The following ANKS1A variants were observed in gnomAD, a reference collection of about 807,000 sequenced individuals.
ANKS1A encodes the protein ankyrin repeat and sterile alpha motif domain containing 1A, also known as ankyrin repeat and SAM domain-containing protein 1A.
Under a neutral mutation model 120.3 loss-of-function variants are expected in ANKS1A, and 55 were observed. The ratio of observed to expected loss-of-function variants is 0.46; its 90% CI spans 0.37 to 0.57. The LOEUF is 0.57. ANKS1A is among the 20% of genes least tolerant of loss of function. The pLI is 0.00. For missense variants in ANKS1A, 1,123 were observed against 1,480.3 expected (o/e 0.76, Z 3.96); for synonymous variants, 590 against 604.7 (o/e 0.98, Z 0.36).
chr6:34,936,017 C>G (rs969853570), intron 1 of ANKS1A, among the ~76,000 whole-genome samples: 4 of 146,118 alleles, frequency 2.7e-5, no homozygotes, highest in Non-Finnish European at 3.0e-5. Flanking sequence ...AGCCGAGATC[C>G]CGCCACTGCA....
intron 11 of ANKS1A, among the ~76,000 whole-genome samples, chr6:35,048,736 G>T (rs904921774): frequency 1.3e-5 from 2 of 152,204 alleles, no homozygotes; most frequent in African/African-American, 2.4e-5. Flanking sequence ...CTGGGCCTGA[G>T]AGTGCAGCTG....
Position 35,085,684 on chromosome 6 carries a change from C to T in ANKS1A, c.3133-82C>T, listed in dbSNP as rs1430087542. The stretch of plus-strand genomic sequence containing the variant: ...TCCCGGGTAGACTTAGAGGGGGACA[C>T]ATGGTCCCTGCGAGGAAGGGCATAT... On this transcript the variant is annotated intron_variant, in intron 21 of 23. Coordinates refer to ENST00000360359, the MANE Select transcript of ANKS1A (RefSeq NM_015245.3). This position sits in a 1 kb window ranked among gnomAD's most constrained non-coding sequence, Gnocchi z 4.7. 11 of 1,425,352 alleles carry T rather than the reference C, an allele frequency of 7.7e-6. No individual in the cohort carries two copies. The African/African-American group carries it at 1.4e-4, about 19-fold the overall frequency. 88.3% of individuals were successfully genotyped at this position (1,425,352 alleles called of 1,614,324 possible). A position where few individuals can be genotyped will look rare whatever the true frequency, so the allele number is the denominator to read the frequency against.
intron 1 of ANKS1A, among the ~76,000 whole-genome samples, chr6:34,903,574 A>C (rs79629883): frequency 2.0e-5 from 3 of 151,444 alleles, no homozygotes; most frequent in Admixed American, 2.0e-4. Context: ...CTTGGCTCAC[A>C]GGGGCCTCCA....
chr6:35,012,551 A>T (rs1215273342), intron 10 of ANKS1A, among the ~76,000 whole-genome samples: 2 of 152,222 alleles, frequency 1.3e-5, no homozygotes, highest in Admixed American at 1.3e-4. Flanking sequence ...GCCTGAGGGG[A>T]GATTTGAATT....
intron 11 of ANKS1A, among the ~76,000 whole-genome samples, chr6:35,049,902 G>GCC (rs1459991893): frequency 6.6e-6 from 1 of 152,156 alleles, no homozygotes; most frequent in African/African-American, 2.4e-5. Flanking sequence ...GTCCGCCTGT[G>GCC]CCCAACACAC....
At position 34,955,370 on chromosome 6, in the gene ANKS1A, C is replaced by T. The variant is rs769293479; in HGVS notation, c.198-11869C>T. On this transcript the variant is annotated intron_variant, in intron 1 of 23. Transcript: ENST00000360359. ...CAGGCTGGTCTCGAACTCCTGACCT[C>T]AGGTGATCCGTCCACCTCAGCCTCC... Among the ~76,000 whole-genome samples, 105 of 152,176 alleles carry T rather than the reference C, an allele frequency of 6.9e-4. 1 individual carries two copies. Among genetic ancestry groups the T allele is most frequent in the Admixed American group, 3.9e-4 (6 of 15,280 alleles).
rs1772395111 is a variant in ANKS1A, at chr6:34,989,449, A to G, written c.1302+133A>G. On this transcript the variant is annotated intron_variant, in intron 9 of 23. Coordinates refer to ENST00000360359, the MANE Select transcript of ANKS1A (RefSeq NM_015245.3). The stretch of plus-strand genomic sequence containing the variant: ...TGGATTATAAATTTGTATTATGTGT[A>G]CTAGTAATCTGGAATAAGACCTTCC... The G allele has an allele frequency of 5.0e-6, 4 of 806,474 alleles. No homozygotes were observed. The East Asian group carries it at 7.7e-5, about 16-fold the overall frequency. 50.0% of individuals were successfully genotyped at this position (806,474 alleles called of 1,614,324 possible). A position where few individuals can be genotyped will look rare whatever the true frequency, so the allele number is the denominator to read the frequency against.
At chr6:34,969,758 G>A (rs1279185326) in intron 2 of ANKS1A, among the ~76,000 whole-genome samples, 4 of 152,148 alleles carry the variant, frequency 2.6e-5, no homozygotes, top group South Asian at 2.1e-4. Flanking sequence ...GAAAACAGAC[G>A]GATTACCAAG....
At chr6:34,917,518 G>A (rs1386065903) in intron 1 of ANKS1A, among the ~76,000 whole-genome samples, 2 of 152,210 alleles carry the variant, frequency 1.3e-5, no homozygotes, top group African/African-American at 4.8e-5. Flanking sequence ...TATAAAACCA[G>A]TTTTTGTAAG....
chr6:35,079,802 G>C lies in ANKS1A; in HGVS notation c.2437-19G>C, dbSNP rs2762338. On this transcript the variant is annotated intron_variant, in intron 15 of 23. Coordinates refer to ENST00000360359, the MANE Select transcript of ANKS1A (RefSeq NM_015245.3). ...AGTTGGCCACCTGACCTGTCACCTCGCTGCTCCTCATCACCCAGGTCCTGA... is the reference window on the plus strand; with the variant it reads ...AGTTGGCCACCTGACCTGTCACCTCCCTGCTCCTCATCACCCAGGTCCTGA... 0.47 allele frequency: 746,757 copies of C among 1,586,538 alleles called. 179,886 individuals carry two copies. The highest frequency in any genetic ancestry group is 0.54 in the Middle Eastern group (3,160 of 5,818).
intron 1 of ANKS1A, among the ~76,000 whole-genome samples, chr6:34,938,445 T>C (rs1270512008): frequency 6.6e-6 from 1 of 152,244 alleles, no homozygotes; most frequent in Non-Finnish European, 1.5e-5. Context: ...GTACATACAC[T>C]TCTGCCCCTC....
At chr6:35,039,743 C>T (rs1408236526) in intron 11 of ANKS1A, 11 of 414,618 alleles carry the variant, frequency 2.7e-5, no homozygotes, top group Middle Eastern at 3.5e-4. Context: ...TCATTTTTCC[C>T]AGGTCTTTTT....
intron 1 of ANKS1A, among the ~76,000 whole-genome samples, chr6:34,943,024 G>A (rs1769610630): frequency 6.8e-6 from 1 of 148,036 alleles, no homozygotes; most frequent in South Asian, 2.1e-4. Flanking sequence ...CTGGAGTGTA[G>A]TAGTACAGTC....
chr6:35,015,847 T>G (rs1773974628), intron 10 of ANKS1A, among the ~76,000 whole-genome samples: 1 of 152,240 alleles, frequency 6.6e-6, no homozygotes. Flanking sequence ...ACATTGTGTT[T>G]ATAAAGCACT....
At chr6:34,956,579 T>A (rs1413935133) in intron 1 of ANKS1A, among the ~76,000 whole-genome samples, 1 of 152,142 alleles carries the variant, frequency 6.6e-6, no homozygotes, top group East Asian at 1.9e-4. Context: ...CCGAAAGCCA[T>A]CATCTGTTGA....
intron 1 of ANKS1A, among the ~76,000 whole-genome samples, chr6:34,892,130 A>G (rs1489426388): frequency 6.6e-6 from 1 of 152,176 alleles, no homozygotes; most frequent in Non-Finnish European, 1.5e-5. Context: ...GAGCTGGCTC[A>G]CCTTGACTTG....
Position 34,982,685 on chromosome 6 carries a change from T to C in ANKS1A, c.733-67T>C. ...GTGTCCCTTCTTGTCTGTGTCCCCTTTGTCACGTGAAGCCGCACCAAACTG... is the reference window on the plus strand; with the variant it reads ...GTGTCCCTTCTTGTCTGTGTCCCCTCTGTCACGTGAAGCCGCACCAAACTG... On this transcript the variant is annotated intron_variant, in intron 4 of 23. Transcript: ENST00000360359. This position sits in a 1 kb window ranked among gnomAD's most constrained non-coding sequence, Gnocchi z 4.9. 3 of 1,489,128 alleles carry C rather than the reference T, an allele frequency of 2.0e-6. No individual in the cohort carries two copies. Among genetic ancestry groups the C allele is most frequent in the Non-Finnish European group, 2.8e-6 (3 of 1,066,216 alleles). 92.2% of individuals were successfully genotyped at this position (1,489,128 alleles called of 1,614,324 possible).
intron 11 of ANKS1A, among the ~76,000 whole-genome samples, chr6:35,026,928 A>C (rs188845595): frequency 3.3e-5 from 5 of 152,232 alleles, no homozygotes; most frequent in African/African-American, 1.2e-4. Context: ...AAGCTATTGA[A>C]CTAGAATGAA....
intron 1 of ANKS1A, among the ~76,000 whole-genome samples, chr6:34,927,787 T>C (rs1195888963): frequency 3.9e-5 from 6 of 152,168 alleles, no homozygotes; most frequent in Admixed American, 2.6e-4. Flanking sequence ...CCTGAATGGC[T>C]GTGTAAAAAA....
Sources: allele counts gnomAD v4.1 joint callset (sites outside exome capture counted in the v4.1 genomes callset), GRCh38; gene constraint gnomAD v4.1.1; non-coding constraint Gnocchi (gnomAD v3.1); transcripts MANE v1.5; gene names NCBI Gene and HGNC (gene_info 2026-07-23, HGNC 2026-07-21).